Variants in FAF1 observed in about 807,000 individuals in gnomAD.
FAF1 encodes Fas associated factor 1.
In FAF1, 25 loss-of-function variants were observed where a neutral mutation model predicts 92.5. The ratio of observed to expected loss-of-function variants is 0.27; its 90% confidence interval spans 0.20 to 0.38. The LOEUF (loss-of-function observed/expected upper bound fraction) is 0.38, where lower values mean the gene tolerates loss of function less well. FAF1 is among the 10% of genes least tolerant of loss of function. The pLI is 1.00. For synonymous variants in FAF1, 234 were observed against 273.2 expected (o/e 0.86, Z 1.42); for missense variants, 636 against 793.3 (o/e 0.80, Z 2.38).
chr1:50,776,825 A>C (rs1569929852), intron 4 of FAF1, among the ~76,000 whole-genome samples: 1 of 152,354 alleles, frequency 6.6e-6, no homozygotes, highest in East Asian at 1.9e-4. Flanking sequence ...TTCCCAACTA[A>C]TAAACCCGAG....
chr1:50,543,960 G>C (rs1294702197), intron 13 of FAF1, among the ~76,000 whole-genome samples: 1 of 152,114 alleles, frequency 6.6e-6, no homozygotes, highest in Non-Finnish European at 1.5e-5. Context: ...GTGGATCCAT[G>C]TGGAAAGGGC....
At chr1:50,507,658 G>A (rs1276725791) in intron 15 of FAF1, among the ~76,000 whole-genome samples, 1 of 152,170 alleles carries the variant, frequency 6.6e-6, no homozygotes, top group Non-Finnish European at 1.5e-5. Flanking sequence ...CGAGGTTACA[G>A]TGAGCTACCA....
At chr1:50,686,921 C>T (rs1453260380) in intron 7 of FAF1, among the ~76,000 whole-genome samples, 24 of 152,000 alleles carry the variant, frequency 1.6e-4, no homozygotes, top group Non-Finnish European at 1.5e-5. Flanking sequence ...CTCTGCCTCC[C>T]GGGTTCAAGC....
intron 2 of FAF1, among the ~76,000 whole-genome samples, chr1:50,830,828 T>A (rs894675902): frequency 6.6e-6 from 1 of 152,146 alleles, no homozygotes; most frequent in African/African-American, 2.4e-5. Context: ...CCAAATGAAC[T>A]TATAAGAATA....
At chr1:50,762,136 C>A (rs140444850) in intron 4 of FAF1, among the ~76,000 whole-genome samples, 1 of 151,574 alleles carries the variant, frequency 6.6e-6, no homozygotes, top group Admixed American at 6.6e-5. Flanking sequence ...TTACAAGGGA[C>A]GTGAAGGACC....
chr1:50,561,744 T>G (rs1649911229), intron 13 of FAF1, among the ~76,000 whole-genome samples: 1 of 152,098 alleles, frequency 6.6e-6, no homozygotes, highest in African/African-American at 2.4e-5. Context: ...AAGAATCACT[T>G]GAACCTGGGA....
intron 1 of FAF1, among the ~76,000 whole-genome samples, chr1:50,889,357 T>C (rs1324389122): frequency 6.6e-6 from 1 of 152,228 alleles, no homozygotes; most frequent in Admixed American, 6.5e-5. Flanking sequence ...TTTGTGTCTC[T>C]ATCTCCTTCA....
chr1:50,776,594 T>C (rs532511577), intron 4 of FAF1, among the ~76,000 whole-genome samples: 1 of 152,188 alleles, frequency 6.6e-6, no homozygotes, highest in East Asian at 1.9e-4. Context: ...AGTGATACAC[T>C]ATTCACTCAC....
At chr1:50,572,184 C>G (rs1572842071) in intron 12 of FAF1, among the ~76,000 whole-genome samples, 1 of 152,178 alleles carries the variant, frequency 6.6e-6, no homozygotes, top group East Asian at 1.9e-4. Flanking sequence ...ATACAATAAA[C>G]ACCTATTTAT....
At chr1:50,936,933 T>G (rs1645089768) in intron 1 of FAF1, among the ~76,000 whole-genome samples, 1 of 150,094 alleles carries the variant, frequency 6.7e-6, no homozygotes. Flanking sequence ...GAAGAGGGAG[T>G]CAGACGAAGC....
chr1:50,547,782 G>A (rs1232391585), intron 13 of FAF1, among the ~76,000 whole-genome samples: 1 of 152,208 alleles, frequency 6.6e-6, no homozygotes, highest in Non-Finnish European at 1.5e-5. Flanking sequence ...AAAAGGCTTT[G>A]AGGCACTTAA....
At chr1:50,536,616 T>C (rs1648496162) in intron 14 of FAF1, among the ~76,000 whole-genome samples, 1 of 152,146 alleles carries the variant, frequency 6.6e-6, no homozygotes, top group Admixed American at 6.6e-5. Context: ...TTCACATCAG[T>C]ACTACTCACT....
chr1:50,527,002 G>A (rs924984830), intron 15 of FAF1, among the ~76,000 whole-genome samples: 6 of 151,878 alleles, frequency 4.0e-5, no homozygotes, highest in Admixed American at 6.6e-5. Flanking sequence ...CTACATGTGC[G>A]TGCCACCATG....
intron 1 of FAF1, among the ~76,000 whole-genome samples, chr1:50,948,572 G>A (rs1348662461): frequency 7.8e-5 from 11 of 140,850 alleles, no homozygotes; most frequent in South Asian, 2.2e-4. Context: ...TTGCTCTGTC[G>A]CCCAGGCTGG....
chr1:50,601,096 A>G (rs1357723346), intron 8 of FAF1, among the ~76,000 whole-genome samples: 1 of 144,994 alleles, frequency 6.9e-6, no homozygotes, highest in Non-Finnish European at 1.5e-5. Context: ...TATTACTTGA[A>G]ACAACTGAGA....
intron 8 of FAF1, among the ~76,000 whole-genome samples, chr1:50,616,018 A>G (rs918929219): frequency 6.6e-6 from 1 of 152,170 alleles, no homozygotes; most frequent in Non-Finnish European, 1.5e-5. Flanking sequence ...ATCCATCTTG[A>G]GATAATTTTT....
chr1:50,582,383 T>C, intron 12 of FAF1: 1 of 430,332 alleles, frequency 2.3e-6, no homozygotes, highest in Non-Finnish European at 4.2e-6. Context: ...GTCTCCAATC[T>C]CAAAATGAAA....
At chr1:50,721,110 C>A (rs1203809138) in intron 6 of FAF1, among the ~76,000 whole-genome samples, 1 of 152,088 alleles carries the variant, frequency 6.6e-6, no homozygotes, top group Non-Finnish European at 1.5e-5. Context: ...ACATTTATTG[C>A]TTCCCTACAA....
intron 1 of FAF1, among the ~76,000 whole-genome samples, chr1:50,862,733 G>T (rs1451960151): frequency 6.6e-6 from 1 of 151,746 alleles, no homozygotes; most frequent in Admixed American, 6.6e-5. Context: ...GCAAGCAAGA[G>T]TAGCTATTCT....
Sources: allele counts gnomAD v4.1 joint callset (sites outside exome capture counted in the v4.1 genomes callset), GRCh38; gene constraint gnomAD v4.1.1; transcripts MANE v1.5; gene names NCBI Gene and HGNC (gene_info 2026-07-23, HGNC 2026-07-21).